Variants in AP2B1 observed in about 807,000 individuals in gnomAD.
AP2B1 encodes AP-2 complex subunit beta.
A neutral mutation model predicts 102.0 loss-of-function variants in AP2B1; 23 were observed. The ratio of observed to expected loss-of-function variants is 0.23; its 90% CI spans 0.16 to 0.32. The LOEUF (loss-of-function observed/expected upper bound fraction) is 0.32, where lower values mean the gene tolerates loss of function less well. AP2B1 is among the 10% of genes least tolerant of loss of function. The probability of loss-of-function intolerance (pLI) is 1.00; values close to 1 mark genes in which losing one functional copy is unlikely to be tolerated. For synonymous variants in AP2B1, 381 were observed against 421.2 expected (o/e 0.90, Z 1.17); for missense variants, 541 against 1,157.4 (o/e 0.47, Z 7.73).
intron 14 of AP2B1, among the ~76,000 whole-genome samples, chr17:35,665,715 G>A (rs1372835351): frequency 6.6e-6 from 1 of 152,184 alleles, no homozygotes; most frequent in Non-Finnish European, 1.5e-5. Context: ...GTAAGTTCTA[G>A]AAAACAGTAA....
At chr17:35,596,793 T>A in intron 2 of AP2B1, 2 of 611,526 alleles carry the variant, frequency 3.3e-6, no homozygotes, top group Admixed American at 4.5e-5. Context: ...TAGCGTCAGC[T>A]GCATGGGCCC....
chr17:35,609,420 C>G (rs2073789949), intron 5 of AP2B1, among the ~76,000 whole-genome samples: 1 of 151,516 alleles, frequency 6.6e-6, no homozygotes, highest in African/African-American at 2.4e-5. Flanking sequence ...GATCTCAGCT[C>G]ACTGCAAGCT....
At chr17:35,649,934 A>G (rs2075044221) in intron 12 of AP2B1, among the ~76,000 whole-genome samples, 1 of 151,190 alleles carries the variant, frequency 6.6e-6, no homozygotes, top group Non-Finnish European at 1.5e-5. Flanking sequence ...CCGCCCTGAT[A>G]ATTTTTGTAC....
At chr17:35,636,530 G>T (rs2074611399) in intron 10 of AP2B1, 74 bp downstream of exon 10, 2 of 1,107,452 alleles carry the variant, frequency 1.8e-6, no homozygotes, top group Non-Finnish European at 2.7e-6. Flanking sequence ...AATTGCCTAG[G>T]TAAGAATTAC....
intron 15 of AP2B1, 87 bp from the exon 16 acceptor site, chr17:35,671,667 A>C (rs562150202): frequency 5.2e-6 from 7 of 1,344,192 alleles, no homozygotes; most frequent in Non-Finnish European, 6.2e-6. Flanking sequence ...TTGATTTATC[A>C]AAACTACTAA....
chr17:35,622,655 C>G (rs953900989), intron 5 of AP2B1, among the ~76,000 whole-genome samples: 2 of 152,050 alleles, frequency 1.3e-5, no homozygotes, highest in Admixed American at 1.3e-4. Context: ...CTCATTTATA[C>G]TTGGAGAATA....
intron 10 of AP2B1, among the ~76,000 whole-genome samples, chr17:35,638,468 T>C (rs376835467): frequency 3.0e-4 from 45 of 152,074 alleles, no homozygotes; most frequent in African/African-American, 1.1e-3. Flanking sequence ...TCAGTGCAGG[T>C]ACCTTTAGAA....
In AP2B1 at chr17:35,658,547, A is replaced by AGTT. The variant is rs1192431991; in HGVS notation, c.1989+756_1989+757insGTT. On this transcript the variant is annotated intron_variant, in intron 14 of 21. Transcript: ENST00000610402. Reference sequence around the variant, plus strand: ...CAATCTATGAAGAGAAGGCCAGAAAAATAACAAGTCTATTACAAGACTGCC... The same window carrying AGTT: ...CAATCTATGAAGAGAAGGCCAGAAAAGTTATAACAAGTCTATTACAAGACTGCC... Among the ~76,000 whole-genome samples, 4 of 152,314 alleles carry AGTT rather than the reference A, an allele frequency of 2.6e-5. No homozygotes were observed. The East Asian group carries it at 7.7e-4, about 29-fold the overall frequency.
chr17:35,653,755 C>T (rs1192340443), intron 13 of AP2B1, among the ~76,000 whole-genome samples: 2 of 151,948 alleles, frequency 1.3e-5, no homozygotes, highest in Non-Finnish European at 2.9e-5. Context: ...GGATCGCAGA[C>T]GTGAGCCACT....
intron 12 of AP2B1, among the ~76,000 whole-genome samples, chr17:35,647,212 A>G (rs964924313): frequency 3.9e-5 from 6 of 152,208 alleles, no homozygotes; most frequent in African/African-American, 1.4e-4. Context: ...AAAATGTGGG[A>G]GAGAGGAGTT....
chr17:35,607,774 C>CT (rs35128360), intron 4 of AP2B1: 11,693 of 123,466 alleles, frequency 0.095, 596 homozygotes, highest in Middle Eastern at 0.13. Flanking sequence ...TACAGCTCCT[C>CT]TTTTTTTTTT....
chr17:35,681,717 C>G (rs587694341), intron 17 of AP2B1, among the ~76,000 whole-genome samples: 1 of 152,028 alleles, frequency 6.6e-6, no homozygotes, highest in Admixed American at 6.6e-5. Context: ...GGTGGAAATT[C>G]TTAATTCTTC....
chr17:35,628,011 G>C (rs750498148), intron 9 of AP2B1, among the ~76,000 whole-genome samples: 5 of 152,110 alleles, frequency 3.3e-5, no homozygotes, highest in Non-Finnish European at 5.9e-5. Flanking sequence ...GCTAACTGCG[G>C]ATCAAAAATA....
At chr17:35,703,497 C>T (rs1316324984) in intron 18 of AP2B1, among the ~76,000 whole-genome samples, 1 of 151,874 alleles carries the variant, frequency 6.6e-6, no homozygotes, top group Non-Finnish European at 1.5e-5. Flanking sequence ...TACTATGCAC[C>T]CATAAAAAAG....
intron 2 of AP2B1, among the ~76,000 whole-genome samples, chr17:35,596,600 C>T (rs1014162440): frequency 5.7e-4 from 86 of 152,120 alleles, no homozygotes; most frequent in African/African-American, 2.0e-3. Flanking sequence ...CTGCCAGGCC[C>T]GGCGGCCATG....
At chr17:35,692,726 C>T (rs2076063950) in intron 18 of AP2B1, among the ~76,000 whole-genome samples, 1 of 152,018 alleles carries the variant, frequency 6.6e-6, no homozygotes, top group Non-Finnish European at 1.5e-5. Context: ...GTATTAAGGC[C>T]CATACATATT....
chr17:35,614,310 G>A (rs2073951130), intron 5 of AP2B1, among the ~76,000 whole-genome samples: 1 of 152,040 alleles, frequency 6.6e-6, no homozygotes. Context: ...CAGTCTTCCC[G>A]AGCAACTGGA....
chr17:35,648,431 A>G (rs1408235796), intron 12 of AP2B1, among the ~76,000 whole-genome samples: 2 of 152,080 alleles, frequency 1.3e-5, no homozygotes, highest in Admixed American at 6.5e-5. Flanking sequence ...CAGGAGAATC[A>G]CTTGAACCCG....
intron 16 of AP2B1, among the ~76,000 whole-genome samples, chr17:35,672,131 G>C (rs184334994): frequency 6.6e-6 from 1 of 152,256 alleles, no homozygotes; most frequent in East Asian, 1.9e-4. Flanking sequence ...TTAATTATTT[G>C]AGTTTTGTTC....
Sources: gnomAD v4.1 joint callset for allele counts (sites outside exome capture counted in the v4.1 genomes callset) on GRCh38, gnomAD v4.1.1 for gene constraint, MANE v1.5 for transcripts, NCBI Gene and HGNC (gene_info 2026-07-23, HGNC 2026-07-21) for gene names.